ASS1: variants seen among roughly 807,000 people sequenced by gnomAD.
The protein encoded by ASS1 is argininosuccinate synthase 1, also known as argininosuccinate synthase.
ASS1 carries 58 observed loss-of-function variants against 60.5 expected under a neutral mutation model. The ratio of observed to expected loss-of-function variants is 0.96; its 90% CI spans 0.78 to 1.19. ASS1 has a LOEUF of 1.19. Ranked by LOEUF, ASS1 falls within the 50% of genes most tolerant of loss-of-function variation. ASS1 has a pLI of 0.00. For synonymous variants in ASS1, 200 were observed against 206.9 expected (o/e 0.97, Z 0.29); for missense variants, 454 against 547.3 (o/e 0.83, Z 1.70).
intron 1 of ASS1, among the ~76,000 whole-genome samples, chr9:130,449,139 T>G (rs1266357676): frequency 1.3e-5 from 2 of 152,050 alleles, no homozygotes; most frequent in Admixed American, 6.5e-5. Flanking sequence ...GAGTCCAGCC[T>G]GGGCAATGTA....
At chr9:130,444,714 C>T (rs934436278), upstream of ASS1, among the ~76,000 whole-genome samples, 7 of 151,912 alleles carry the variant, frequency 4.6e-5, no homozygotes, top group Non-Finnish European at 8.8e-5. This position sits in a 1 kb window ranked among gnomAD's most constrained non-coding sequence, Gnocchi z 4.7. Context: ...CCCGCCGGCG[C>T]GCCCCTGGGA....
At chr9:130,487,223 A>G (rs17147029) in intron 11 of ASS1, among the ~76,000 whole-genome samples, 15,515 of 152,178 alleles carry the variant, frequency 0.1, 881 homozygotes, top group Non-Finnish European at 0.11. Context: ...TCGGGAGAAC[A>G]CGGTACCGGA....
chr9:130,479,991 G>A (rs1053193040), intron 10 of ASS1, 191 bp downstream of exon 10: 32 of 755,548 alleles, frequency 4.2e-5, no homozygotes, highest in Non-Finnish European at 6.9e-5. Flanking sequence ...GTGGTCCTTA[G>A]CCTTGGAAGA....
In ASS1 at chr9:130,477,879, CCGGCTCTGGCGCT is replaced by C. The variant is rs1846063070; in HGVS notation, c.688+926_688+938del. On this transcript the variant is annotated intron_variant, in intron 9 of 14. Coordinates refer to ENST00000352480, the MANE Select transcript of ASS1 (RefSeq NM_054012.4). This position sits in a 1 kb window ranked among gnomAD's most constrained non-coding sequence, Gnocchi z 4.2. ...AGAGAGGCTCGTGGAGAGGCCTGGC[CCGGCTCTGGCGCT>C]CGGCTCTTACCCCGGCTACCACAGA... is the stretch of plus-strand genomic sequence containing the variant. 6.6e-6 allele frequency among the ~76,000 whole-genome samples: 1 copy of C among 152,144 alleles called. No homozygotes were observed. Among genetic ancestry groups the C allele is most frequent in the African/African-American group, 2.4e-5 (1 of 41,412 alleles).
intron 7 of ASS1, 150 bp downstream of exon 7, chr9:130,471,054 G>A (rs1333470139): frequency 6.8e-6 from 6 of 881,896 alleles, no homozygotes; most frequent in Admixed American, 1.9e-5. Flanking sequence ...AGGTCGAAGC[G>A]CCCGGCTCAT....
At chr9:130,458,004 C>T (rs1845486316) in intron 3 of ASS1, among the ~76,000 whole-genome samples, 2 of 151,802 alleles carry the variant, frequency 1.3e-5, no homozygotes, top group Non-Finnish European at 2.9e-5. Flanking sequence ...ACCAAAAATA[C>T]AAAAATTAGC....
chr9:130,480,617 G>T (rs1290563291), intron 11 of ASS1, among the ~76,000 whole-genome samples, 168 bp downstream of exon 11: 2 of 152,244 alleles, frequency 1.3e-5, no homozygotes, highest in Non-Finnish European at 2.9e-5. Flanking sequence ...TGCCAAGTGG[G>T]GATCGTGGGC....
intron 10 of ASS1, 125 bp downstream of exon 10, chr9:130,479,925 C>A (rs908574639): frequency 1.8e-6 from 2 of 1,117,058 alleles, no homozygotes; most frequent in Non-Finnish European, 2.8e-6. Context: ...CATGTCCCTT[C>A]CCCATAGCCA....
intron 11 of ASS1, among the ~76,000 whole-genome samples, chr9:130,483,714 C>CCCGCCTTGAGAGCCCT: frequency 1.3e-5 from 2 of 148,322 alleles, no homozygotes; most frequent in Admixed American, 6.7e-5. Context: ...CAGCCCTGCC[C>CCCGCCTTGAGAGCCCT]GTCTCACCTC....
intron 12 of ASS1, among the ~76,000 whole-genome samples, chr9:130,492,933 T>C (rs1291342090): frequency 6.6e-6 from 1 of 152,166 alleles, no homozygotes; most frequent in African/African-American, 2.4e-5. Context: ...AGAAGAACCC[T>C]GTGGGGCAGA....
At chr9:130,472,648 C>T (rs1006813211) in intron 8 of ASS1, among the ~76,000 whole-genome samples, 2 of 152,324 alleles carry the variant, frequency 1.3e-5, no homozygotes, top group East Asian at 1.9e-4. Context: ...CCACCCTTGC[C>T]CCCTGGGGGC....
chr9:130,494,291 G>A lies in ASS1; in HGVS notation c.971-576G>A, dbSNP rs1846527477. Among the ~76,000 whole-genome samples, 1 of 152,244 alleles carries A rather than the reference G, an allele frequency of 6.6e-6. No individual in the cohort carries two copies. The highest frequency in any genetic ancestry group is 2.4e-5 in the African/African-American group (1 of 41,454). ...CAGTTCACAGTAGCCCCTAAGGCTG[G>A]TGCTGCTCAGTGCTAGGGGCTCCAC... On this transcript the variant is annotated intron_variant, in intron 12 of 14. Coordinates refer to ENST00000352480, the MANE Select transcript of ASS1 (RefSeq NM_054012.4). This position sits in a 1 kb window ranked among gnomAD's most constrained non-coding sequence, Gnocchi z 4.3.
At chr9:130,474,800 CCT>C (rs1266198348) in intron 8 of ASS1, among the ~76,000 whole-genome samples, 1 of 152,212 alleles carries the variant, frequency 6.6e-6, no homozygotes, top group East Asian at 1.9e-4. Context: ...GGAAAGAGTC[CCT>C]GTGTTTAGCT....
At chr9:130,449,535 G>A (rs149435865) in intron 1 of ASS1, among the ~76,000 whole-genome samples, 89 of 152,044 alleles carry the variant, frequency 5.9e-4, no homozygotes, top group African/African-American at 2.1e-3. Context: ...GGTGAATCTT[G>A]GGCCAGCATC....
chr9:130,481,630 G>A (rs74332768), intron 11 of ASS1, among the ~76,000 whole-genome samples: 1,719 of 152,254 alleles, frequency 0.011, 16 homozygotes, highest in Non-Finnish European at 0.017. Flanking sequence ...GTCATCTATC[G>A]CTAGGCCTCA....
chr9:130,498,499 T>C (rs1043008383), intron 13 of ASS1, among the ~76,000 whole-genome samples: 1 of 152,210 alleles, frequency 6.6e-6, no homozygotes, highest in South Asian at 2.1e-4. Context: ...GACACCACTC[T>C]TGCTCTTCCT....
Position 130,491,545 on chromosome 9 carries a change from G to A in ASS1, c.970+2081G>A, listed in dbSNP as rs1433879492. Among the ~76,000 whole-genome samples, 1 of 152,248 alleles carries A rather than the reference G, an allele frequency of 6.6e-6. No individual in the cohort carries two copies. The highest frequency in any genetic ancestry group is 2.4e-5 in the African/African-American group (1 of 41,474). ...GCTTTGAGCCGGGGACAGGCCAGCTGTAGCGGCCAAGTTCCCAGTTACTCC... is the reference window on the plus strand; with the variant it reads ...GCTTTGAGCCGGGGACAGGCCAGCTATAGCGGCCAAGTTCCCAGTTACTCC... On this transcript the variant is annotated intron_variant, in intron 12 of 14. Transcript: ENST00000352480. The surrounding 1 kb of genome is among the most constrained non-coding windows in gnomAD (Gnocchi z 5.3).
rs1846749561 is a variant in ASS1 at position 130,501,263 on chromosome 9, C to G, written c.*242C>G. ...AATGACAATTAAAAGAGACACTAGTCTTTTATTTCTAGTGAGTGTGTGTGT... is the reference window on the plus strand; with the variant it reads ...AATGACAATTAAAAGAGACACTAGTGTTTTATTTCTAGTGAGTGTGTGTGT... On this transcript the variant is annotated 3_prime_UTR_variant, in exon 15 of 15. Transcript: ENST00000352480. The G allele has an allele frequency of 3.9e-6, 2 of 509,766 alleles. No individual in the cohort carries two copies. Among genetic ancestry groups the G allele is most frequent in the Non-Finnish European group, 7.0e-6 (2 of 283,886 alleles). 31.6% of individuals were successfully genotyped at this position (509,766 alleles called of 1,614,324 possible). A position where few individuals can be genotyped will look rare whatever the true frequency, so the allele number is the denominator to read the frequency against.
At chr9:130,454,403 G>A (rs1458335228) in intron 3 of ASS1, 30 bp downstream of exon 3, 11 of 1,607,426 alleles carry the variant, frequency 6.8e-6, no homozygotes, top group East Asian at 2.2e-5. Context: ...GATTTGGGCT[G>A]GGAGTGGGGC....
Sources: gnomAD v4.1 joint callset for allele counts (sites outside exome capture counted in the v4.1 genomes callset) on GRCh38, gnomAD v4.1.1 for gene constraint, Gnocchi (gnomAD v3.1) non-coding constraint, MANE v1.5 for transcripts, NCBI Gene and HGNC (gene_info 2026-07-23, HGNC 2026-07-21) for gene names.